CA6: variants seen among roughly 807,000 people sequenced by gnomAD.
The protein encoded by CA6 is carbonate dehydratase VI.
In CA6, 28 loss-of-function variants were observed where a neutral mutation model predicts 35.9. The observed-to-expected ratio is 0.78, with a 90% CI of 0.58 to 1.07. The LOEUF (loss-of-function observed/expected upper bound fraction) is 1.07. Ranked by LOEUF, CA6 falls within the 50% of genes least tolerant of loss-of-function variation. The pLI, the probability that CA6 is intolerant of heterozygous loss-of-function variation, is 0.00. For synonymous variants in CA6, 148 were observed against 152.6 expected, an observed-to-expected ratio of 0.97 and a Z score of 0.22; for missense variants, 377 against 382.0, an observed-to-expected ratio of 0.99 and a Z score of 0.11.
chr1:8,949,025 C>T (rs968808832), intron 1 of CA6, among the ~76,000 whole-genome samples: 79 of 152,064 alleles, frequency 5.2e-4, no homozygotes, highest in African/African-American at 1.8e-3. Context: ...GCTCCCAGGG[C>T]CAGCAGTTGC....
chr1:8,946,552 T>C (rs1639368579), intron 1 of CA6, among the ~76,000 whole-genome samples: 1 of 152,136 alleles, frequency 6.6e-6, no homozygotes. Context: ...TTTTTTTCCA[T>C]CCACAGTGTT....
chr1:8,971,743 C>A (rs968337953), intron 7 of CA6, among the ~76,000 whole-genome samples: 15 of 152,246 alleles, frequency 9.9e-5, no homozygotes, highest in Non-Finnish European at 1.8e-4. Context: ...TTGTTCCCTG[C>A]ATCTGCCTGG....
At chr1:8,959,157 T>C (rs1309686961) in intron 4 of CA6, among the ~76,000 whole-genome samples, 155 bp downstream of exon 4, 1 of 152,160 alleles carries the variant, frequency 6.6e-6, no homozygotes, top group African/African-American at 2.4e-5. Flanking sequence ...GGAAGATCAC[T>C]GTGCTCCTTC....
intron 2 of CA6, among the ~76,000 whole-genome samples, chr1:8,956,281 A>T (rs546839015): frequency 6.6e-6 from 1 of 151,854 alleles, no homozygotes; most frequent in Admixed American, 6.5e-5. Context: ...CCAACGCCGA[A>T]ATTATATCCT....
chr1:8,956,150 G>A (rs573004638), intron 2 of CA6, among the ~76,000 whole-genome samples: 40 of 151,988 alleles, frequency 2.6e-4, no homozygotes, highest in African/African-American at 8.7e-4. Flanking sequence ...TTGAACCCAG[G>A]AGGCGGAGGT....
chr1:8,949,208 C>T (rs1057355402), intron 1 of CA6, 55 bp from the exon 2 acceptor site: 3 of 1,398,024 alleles, frequency 2.1e-6, no homozygotes, highest in Non-Finnish European at 2.9e-6. Flanking sequence ...TGGTGAGGTT[C>T]CTCCAGAGTG....
At chr1:8,960,807 C>A (rs1407005771) in intron 4 of CA6, among the ~76,000 whole-genome samples, 1 of 115,820 alleles carries the variant, frequency 8.6e-6, no homozygotes, top group Non-Finnish European at 1.9e-5. Context: ...TAATGGGAGT[C>A]CCAGAAGGAA....
At chr1:8,970,811 T>G (rs1238071113) in intron 6 of CA6, 56 bp from the exon 7 acceptor site, 4 of 1,125,666 alleles carry the variant, frequency 3.6e-6, no homozygotes, top group Non-Finnish European at 5.4e-6. Context: ...AACTGTTATT[T>G]CTTTTAAATT....
At chr1:8,954,321 T>C (rs1223930513) in intron 2 of CA6, among the ~76,000 whole-genome samples, 21 of 152,154 alleles carry the variant, frequency 1.4e-4, no homozygotes, top group Admixed American at 1.4e-3. Flanking sequence ...TGCACCACCA[T>C]GCTCCATTAA....
chr1:8,956,743 G>T (rs910177240), intron 2 of CA6, among the ~76,000 whole-genome samples: 1 of 152,206 alleles, frequency 6.6e-6, no homozygotes, highest in Non-Finnish European at 1.5e-5. Flanking sequence ...TTCCAAACTT[G>T]GCCAGAGATA....
chr1:8,970,943 T>C lies in CA6; in HGVS notation c.806T>C (p.Leu269Pro), dbSNP rs1281120110. Reference protein sequence around the residue: ...IHNDYRRTQPLNHRVVESNFP... With the variant: ...IHNDYRRTQPPNHRVVESNFP... ...AACGATTACCGCAGGACCCAGCCCC[T>C]GAACCACAGAGTGGTGGAATCCAAC... is the stretch of plus-strand genomic sequence containing the variant. The change falls in exon 7 of 8, where the codon CTG (leucine) becomes CCG (proline). Residue 269 changes from leucine to proline, a missense_variant. Coordinates refer to ENST00000377443, the MANE Select transcript of CA6 (RefSeq NM_001215.4). 12 of 1,613,856 alleles carry C rather than the reference T, an allele frequency of 7.4e-6. No homozygotes were observed. The South Asian group carries it at 9.9e-5, about 13-fold the overall frequency.
At chr1:8,951,538 A>G (rs546625535) in intron 2 of CA6, 3 of 765,206 alleles carry the variant, frequency 3.9e-6, no homozygotes, top group East Asian at 4.8e-5. Context: ...GGTGGGAAGC[A>G]ATCATTGATG....
chr1:8,965,757 G>A (rs1484421602), intron 5 of CA6, among the ~76,000 whole-genome samples: 3 of 151,836 alleles, frequency 2.0e-5, no homozygotes, highest in Non-Finnish European at 2.9e-5. Flanking sequence ...TGTTATGGAG[G>A]GTGCCTGTAT....
chr1:8,959,653 C>T (rs976491332), intron 4 of CA6, among the ~76,000 whole-genome samples: 2 of 149,966 alleles, frequency 1.3e-5, no homozygotes, highest in Non-Finnish European at 1.5e-5. Flanking sequence ...ATGGTGGGGC[C>T]GGGCGTGGTG....
intron 2 of CA6, among the ~76,000 whole-genome samples, chr1:8,950,238 C>T (rs1639493178): frequency 6.6e-6 from 1 of 152,110 alleles, no homozygotes; most frequent in Admixed American, 6.5e-5. Flanking sequence ...CCACCTTAGC[C>T]TCCCCAAAGT....
At chr1:8,956,050 C>T (rs1639672083) in intron 2 of CA6, among the ~76,000 whole-genome samples, 3 of 150,620 alleles carry the variant, frequency 2.0e-5, no homozygotes, top group Admixed American at 1.3e-4. Context: ...TGGTGAAACC[C>T]TGTCTCTACT....
At chr1:8,964,687 C>T (rs1282615624) in intron 5 of CA6, among the ~76,000 whole-genome samples, 3 of 152,210 alleles carry the variant, frequency 2.0e-5, no homozygotes, top group African/African-American at 7.2e-5. Context: ...TTCTCTGGCT[C>T]CCCTTGAAAA....
rs1569707256 is a variant in CA6, at chr1:8,963,823, G to A, written c.571+1167G>A. The stretch of plus-strand genomic sequence containing the variant: ...CCCAAAATTTTGGGATTATAGGCAT[G>A]AGCCACCACACCTGGCCAACTGGTA... On this transcript the variant is annotated intron_variant, in intron 5 of 7. Transcript: ENST00000377443. This position sits in a 1 kb window ranked among gnomAD's most constrained non-coding sequence, Gnocchi z 4.1. Among the ~76,000 whole-genome samples the A allele has an allele frequency of 2.0e-5, 3 of 152,320 alleles. No homozygotes were observed. The South Asian group carries it at 6.2e-4, about 32-fold the overall frequency.
chr1:8,948,453 G>A (rs947204959), intron 1 of CA6, among the ~76,000 whole-genome samples: 11 of 151,880 alleles, frequency 7.2e-5, no homozygotes, highest in African/African-American at 2.4e-4. Context: ...TTTACCATAC[G>A]GGAATCCATA....
Sources: allele counts gnomAD v4.1 joint callset (sites outside exome capture counted in the v4.1 genomes callset), GRCh38; gene constraint gnomAD v4.1.1; non-coding constraint Gnocchi (gnomAD v3.1); transcripts MANE v1.5; gene names NCBI Gene and HGNC (gene_info 2026-07-23, HGNC 2026-07-21).